LRRC8B: variants seen among roughly 807,000 people sequenced by gnomAD.
LRRC8B encodes the protein leucine rich repeat containing 8 VRAC subunit B.
LRRC8B carries 23 observed loss-of-function variants against 58.8 expected under a neutral mutation model. The observed-to-expected ratio is 0.39, with a 90% confidence interval of 0.28 to 0.55. LRRC8B has a LOEUF of 0.55. Ranked by LOEUF, LRRC8B falls within the 20% of genes least tolerant of loss-of-function variation. The probability of loss-of-function intolerance (pLI) is 0.62; values close to 1 mark genes in which losing one functional copy is unlikely to be tolerated. For synonymous variants in LRRC8B, 359 were observed against 374.1 expected, an observed-to-expected ratio of 0.96 and a Z score of 0.47; for missense variants, 694 against 936.0, an observed-to-expected ratio of 0.74 and a Z score of 3.37.
chr1:89,545,761 C>T (rs1177076328), intron 1 of LRRC8B, among the ~76,000 whole-genome samples: 2 of 152,076 alleles, frequency 1.3e-5, no homozygotes, highest in East Asian at 3.9e-4. Flanking sequence ...GACAGATGTC[C>T]CAAGAAGGCA....
chr1:89,566,355 C>CT (rs1653045370), intron 1 of LRRC8B, among the ~76,000 whole-genome samples: 2 of 152,116 alleles, frequency 1.3e-5, no homozygotes, highest in Admixed American at 1.3e-4. Context: ...GTGGGATGTT[C>CT]TTTTTTTAAA....
chr1:89,593,266 A>AGGGGG lies in LRRC8B; in HGVS notation c.*223_*224insGGGGG. The AGGGGG allele has an allele frequency of 2.1e-6, 1 of 467,482 alleles. No individual in the cohort carries two copies. The highest frequency in any genetic ancestry group is 3.8e-6 in the Non-Finnish European group (1 of 259,788). 29.0% of individuals were successfully genotyped at this position (467,482 alleles called of 1,614,324 possible). A position where few individuals can be genotyped will look rare whatever the true frequency, so the allele number is the denominator to read the frequency against. ...GTGGCGTGCGCCTGTAATCCCAGCT[A>AGGGGG]CTTGGGAGGCTGACGCAGGGGAATT... On this transcript the variant is annotated 3_prime_UTR_variant, in exon 6 of 6. Transcript: ENST00000330947.
intron 3 of LRRC8B, among the ~76,000 whole-genome samples, chr1:89,575,051 G>A (rs1653741234): frequency 6.6e-6 from 1 of 152,180 alleles, no homozygotes; most frequent in African/African-American, 2.4e-5. Flanking sequence ...TGAATTTGAT[G>A]CCATAAGGGG....
At chr1:89,554,057 C>T (rs1361198911) in intron 1 of LRRC8B, among the ~76,000 whole-genome samples, 2 of 152,158 alleles carry the variant, frequency 1.3e-5, no homozygotes, top group East Asian at 3.9e-4. Context: ...TTCTCAGGTG[C>T]CTGTTATGTT....
Position 89,592,864 on chromosome 1 carries a change from G to A in LRRC8B, c.2233G>A (p.Gly745Ser). The A allele has an allele frequency of 6.2e-7, 1 of 1,613,956 alleles. No individual in the cohort carries two copies. The highest frequency in any genetic ancestry group is 8.5e-7 in the Non-Finnish European group (1 of 1,179,960). Residue 745 changes from glycine to serine, a missense_variant, in exon 6 of 6, where the codon GGT becomes AGT. By Grantham distance (56) the Gly-to-Ser change is moderately conservative. Transcript: ENST00000330947. Reference sequence around the variant, plus strand: ...CTTGATGAATTTGTCCCCTCATGTGGGTGAGCTGTCAAACCTTACTCATCT... The same window carrying A: ...CTTGATGAATTTGTCCCCTCATGTGAGTGAGCTGTCAAACCTTACTCATCT... ...NSLMNLSPHV[G>S]ELSNLTHLEL...
rs528148856 is a variant in LRRC8B at position 89,570,494 on chromosome 1, C to T, written c.-125+2001C>T. Among the ~76,000 whole-genome samples, 3 of 152,130 alleles carry T rather than the reference C, an allele frequency of 2.0e-5. No individual in the cohort carries two copies. The South Asian group carries it at 6.2e-4, about 32-fold the overall frequency. On this transcript the variant is annotated intron_variant, in intron 3 of 5. Coordinates refer to ENST00000330947, the MANE Select transcript of LRRC8B (RefSeq NM_001369817.2). ...GTGATGCTGATCATTTTTTCATATGCTTCTTGGCCATGTGTATGTCTTCTT... is the reference window on the plus strand; with the variant it reads ...GTGATGCTGATCATTTTTTCATATGTTTCTTGGCCATGTGTATGTCTTCTT...
intron 1 of LRRC8B, among the ~76,000 whole-genome samples, chr1:89,525,668 G>C (rs1041968560): frequency 6.6e-6 from 1 of 152,248 alleles, no homozygotes; most frequent in Non-Finnish European, 1.5e-5. Flanking sequence ...TGAGAGGTCA[G>C]AAGGGAGGAG....
intron 1 of LRRC8B, among the ~76,000 whole-genome samples, chr1:89,545,842 TGAA>T (rs1293638578): frequency 6.6e-6 from 1 of 152,088 alleles, no homozygotes; most frequent in African/African-American, 2.4e-5. Context: ...TATGGAAAGT[TGAA>T]GAAGGGGGTG....
intron 1 of LRRC8B, 117 bp downstream of exon 1, chr1:89,525,139 T>A (rs960670848): frequency 1.3e-5 from 2 of 152,342 alleles, no homozygotes; most frequent in Non-Finnish European, 2.9e-5. Context: ...CAGGTGCGGT[T>A]ACCTGTTCAC....
At chr1:89,532,026 C>G (rs1650172488) in intron 1 of LRRC8B, among the ~76,000 whole-genome samples, 1 of 152,104 alleles carries the variant, frequency 6.6e-6, no homozygotes, top group African/African-American at 2.4e-5. Context: ...AGTGGCACAC[C>G]AAGCTCCTTC....
chr1:89,587,197 G>A (rs530589588), intron 5 of LRRC8B, among the ~76,000 whole-genome samples: 29 of 152,146 alleles, frequency 1.9e-4, no homozygotes, highest in Admixed American at 1.6e-3. Context: ...CAGATACTCA[G>A]TAGGAAGGCT....
chr1:89,590,566 CTT>C (rs1654911454), intron 5 of LRRC8B, among the ~76,000 whole-genome samples: 1 of 152,224 alleles, frequency 6.6e-6, no homozygotes, highest in Non-Finnish European at 1.5e-5. Context: ...AAATCCCTCT[CTT>C]CTAGTGGAGC....
At chr1:89,544,103 A>T (rs1459529012) in intron 1 of LRRC8B, among the ~76,000 whole-genome samples, 2 of 152,204 alleles carry the variant, frequency 1.3e-5, no homozygotes, top group African/African-American at 4.8e-5. Flanking sequence ...GATGATTTTT[A>T]AAATCTCTAT....
intron 5 of LRRC8B, among the ~76,000 whole-genome samples, chr1:89,591,415 G>A (rs1654966699): frequency 6.6e-6 from 1 of 152,172 alleles, no homozygotes; most frequent in Non-Finnish European, 1.5e-5. Context: ...GTCTGCATAT[G>A]TAGGGTTTGC....
intron 5 of LRRC8B, among the ~76,000 whole-genome samples, chr1:89,590,831 G>A (rs184293698): frequency 4.6e-5 from 7 of 152,316 alleles, no homozygotes; most frequent in East Asian, 3.9e-4. Context: ...TTGTGTAATC[G>A]TTTCATGTTT....
chr1:89,548,481 G>A (rs1477444256), intron 1 of LRRC8B, among the ~76,000 whole-genome samples: 2 of 152,174 alleles, frequency 1.3e-5, no homozygotes. Flanking sequence ...GAACCTTGAG[G>A]GGGAAAGTAG....
intron 1 of LRRC8B, among the ~76,000 whole-genome samples, chr1:89,526,233 G>C (rs900952629): frequency 6.6e-6 from 1 of 152,170 alleles, no homozygotes; most frequent in Non-Finnish European, 1.5e-5. Flanking sequence ...GTTTTGTTTT[G>C]AGACGGAGTC....
intron 3 of LRRC8B, among the ~76,000 whole-genome samples, chr1:89,575,096 T>C (rs1653746100): frequency 6.6e-6 from 1 of 152,158 alleles, no homozygotes; most frequent in African/African-American, 2.4e-5. Flanking sequence ...AAGGGTTTAG[T>C]GTGCTTTCCA....
intron 1 of LRRC8B, among the ~76,000 whole-genome samples, chr1:89,567,957 A>G (rs1039981440): frequency 1.3e-5 from 2 of 152,202 alleles, no homozygotes; most frequent in African/African-American, 4.8e-5. Flanking sequence ...GTATTGTGCC[A>G]TTGAATTTTA....
Sources: allele counts gnomAD v4.1 joint callset (sites outside exome capture counted in the v4.1 genomes callset), GRCh38; gene constraint gnomAD v4.1.1; transcripts MANE v1.5; gene names NCBI Gene and HGNC (gene_info 2026-07-23, HGNC 2026-07-21).